GABRB1: variants seen among roughly 807,000 people sequenced by gnomAD.
The protein encoded by GABRB1 is gamma-aminobutyric acid receptor subunit beta-1.
A neutral mutation model predicts 51.6 loss-of-function variants in GABRB1; 17 were observed. The observed-to-expected ratio is 0.33, with a 90% CI of 0.23 to 0.49. The LOEUF (loss-of-function observed/expected upper bound fraction) is 0.49, where lower values mean the gene tolerates loss of function less well. GABRB1 is among the 20% of genes least tolerant of loss of function. GABRB1 has a pLI of 0.99. For missense variants in GABRB1, 410 were observed against 600.6 expected (o/e 0.68, Z 3.32); for synonymous variants, 247 against 218.9 (o/e 1.13, Z -1.14).
intron 3 of GABRB1, among the ~76,000 whole-genome samples, chr4:47,086,990 G>A (rs912549438): frequency 5.9e-5 from 9 of 152,152 alleles, no homozygotes; most frequent in African/African-American, 2.2e-4. Flanking sequence ...ATGGTGAAGT[G>A]GGGAAACACT....
intron 4 of GABRB1, among the ~76,000 whole-genome samples, chr4:47,242,778 G>T (rs138448821): frequency 8.7e-4 from 133 of 152,202 alleles, no homozygotes; most frequent in African/African-American, 2.9e-3. Context: ...TGTAGATTCT[G>T]GATATTAGCC....
At chr4:47,256,207 T>A (rs1474934748) in intron 4 of GABRB1, among the ~76,000 whole-genome samples, 1 of 152,204 alleles carries the variant, frequency 6.6e-6, no homozygotes, top group African/African-American at 2.4e-5. Context: ...AAAGCCCAGT[T>A]TGAAGATGTT....
chr4:47,251,513 A>T (rs988726612), intron 4 of GABRB1, among the ~76,000 whole-genome samples: 1 of 152,060 alleles, frequency 6.6e-6, no homozygotes, highest in Non-Finnish European at 1.5e-5. Context: ...AACTGCCAAG[A>T]TTATATGCCC....
chr4:47,278,649 A>G (rs1392674652), intron 4 of GABRB1, among the ~76,000 whole-genome samples: 2 of 152,166 alleles, frequency 1.3e-5, no homozygotes, highest in African/African-American at 4.8e-5. Flanking sequence ...AATGTCAATT[A>G]CCAACAGACA....
At chr4:47,367,389 T>G (rs889534641) in intron 5 of GABRB1, among the ~76,000 whole-genome samples, 1 of 152,216 alleles carries the variant, frequency 6.6e-6, no homozygotes, top group African/African-American at 2.4e-5. Flanking sequence ...ATTCAATAAG[T>G]AATTTATGGC....
intron 3 of GABRB1, among the ~76,000 whole-genome samples, chr4:47,035,124 A>G (rs1461980094): frequency 6.6e-6 from 1 of 152,152 alleles, no homozygotes; most frequent in Non-Finnish European, 1.5e-5. Context: ...GGAAAATGAC[A>G]TAATTGTGCA....
chr4:47,420,244 T>A (rs1260948132), intron 8 of GABRB1, among the ~76,000 whole-genome samples: 2 of 152,180 alleles, frequency 1.3e-5, no homozygotes, highest in Non-Finnish European at 2.9e-5. Context: ...GAGCCTAGAA[T>A]GCCTGCTTCC....
At chr4:47,064,664 G>C (rs991321904) in intron 3 of GABRB1, among the ~76,000 whole-genome samples, 1 of 126,226 alleles carries the variant, frequency 7.9e-6, no homozygotes, top group Non-Finnish European at 1.7e-5. Flanking sequence ...AAAAAAAAAA[G>C]AGAAAAGAAA....
rs186942457 is a variant in GABRB1, at chr4:47,380,831, G to T, written c.545-22487G>T. The stretch of plus-strand genomic sequence containing the variant: ...TTTTCTATAGATAAAGATAAAATGG[G>T]TAAGAATTTCAAAGTCTACAAACTA... On this transcript the variant is annotated intron_variant, in intron 5 of 8. Transcript: ENST00000295454. Among the ~76,000 whole-genome samples, 522 of 152,176 alleles carry T rather than the reference G, an allele frequency of 3.4e-3. 2 individuals are homozygous for T. The highest frequency in any genetic ancestry group is 5.6e-3 in the Non-Finnish European group (380 of 68,000).
At chr4:47,307,575 A>C (rs542617402) in intron 4 of GABRB1, among the ~76,000 whole-genome samples, 2 of 152,160 alleles carry the variant, frequency 1.3e-5, no homozygotes, top group East Asian at 3.9e-4. Context: ...CCTTCCAAAA[A>C]AGTTTAACAA....
intron 4 of GABRB1, among the ~76,000 whole-genome samples, chr4:47,211,703 C>A (rs988272971): frequency 1.9e-4 from 29 of 152,166 alleles, no homozygotes; most frequent in African/African-American, 6.5e-4. Flanking sequence ...AGTCTGAAAC[C>A]AGTTTCACTG....
At chr4:47,256,832 C>A (rs1722220951) in intron 4 of GABRB1, among the ~76,000 whole-genome samples, 2 of 152,134 alleles carry the variant, frequency 1.3e-5, no homozygotes, top group African/African-American at 4.8e-5. Flanking sequence ...CTGAGGATTA[C>A]AATTCAACAT....
intron 3 of GABRB1, among the ~76,000 whole-genome samples, chr4:47,078,946 A>T (rs1249112096): frequency 6.6e-6 from 1 of 152,206 alleles, no homozygotes; most frequent in Non-Finnish European, 1.5e-5. Flanking sequence ...GGGTCATTGC[A>T]TCCCAGGGAT....
At chr4:47,181,006 A>AT (rs1379706060) in intron 4 of GABRB1, among the ~76,000 whole-genome samples, 1 of 151,814 alleles carries the variant, frequency 6.6e-6, no homozygotes, top group East Asian at 1.9e-4. Context: ...GCTTTGGGTG[A>AT]TTTTTTTAAA....
In GABRB1 at chr4:47,168,729, C is replaced by T. The variant is rs371084663; in HGVS notation, c.461+7260C>T. Among the ~76,000 whole-genome samples the T allele has an allele frequency of 8.6e-4, 131 of 152,190 alleles. 1 individual carries two copies. The highest frequency in any genetic ancestry group is 2.9e-3 in the African/African-American group (120 of 41,534). The stretch of plus-strand genomic sequence containing the variant: ...TAATTTTAATGTAATTGTATTACTT[C>T]GCTGGGGCTGCTGTAGCAAAGTACC... On this transcript the variant is annotated intron_variant, in intron 4 of 8. Transcript: ENST00000295454.
intron 3 of GABRB1, among the ~76,000 whole-genome samples, chr4:47,047,204 T>C (rs184194905): frequency 1.2e-4 from 18 of 152,090 alleles, no homozygotes; most frequent in Admixed American, 1.2e-3. Flanking sequence ...AAATAAATAA[T>C]CTGTAGCAGT....
intron 4 of GABRB1, among the ~76,000 whole-genome samples, chr4:47,269,376 C>T (rs1040057939): frequency 2.0e-5 from 3 of 152,050 alleles, no homozygotes; most frequent in Non-Finnish European, 2.9e-5. Context: ...GACATTGGGA[C>T]GTTTAACAAA....
intron 4 of GABRB1, among the ~76,000 whole-genome samples, chr4:47,258,800 G>C (rs1041911712): frequency 6.6e-6 from 1 of 152,094 alleles, no homozygotes; most frequent in Non-Finnish European, 1.5e-5. Context: ...TTCCTAAAAA[G>C]TGTCTCATTA....
At chr4:47,263,398 A>T (rs963187632) in intron 4 of GABRB1, among the ~76,000 whole-genome samples, 8 of 152,124 alleles carry the variant, frequency 5.3e-5, no homozygotes, top group Non-Finnish European at 5.9e-5. Flanking sequence ...CTAGGGGAGA[A>T]GTAAGAAGTC....
Sources: gnomAD v4.1 joint callset for allele counts (sites outside exome capture counted in the v4.1 genomes callset) on GRCh38, gnomAD v4.1.1 for gene constraint, MANE v1.5 for transcripts, NCBI Gene and HGNC (gene_info 2026-07-23, HGNC 2026-07-21) for gene names.